Variants in CEP85L observed in about 807,000 individuals in gnomAD.
CEP85L encodes centrosomal protein 85L, also known as centrosomal protein of 85 kDa-like.
CEP85L carries 60 observed loss-of-function variants against 100.3 expected under a neutral mutation model. That is an observed-to-expected ratio of 0.60 (90% CI 0.49 to 0.74). The LOEUF is 0.74. Among genes scored for constraint, CEP85L ranks in the 30% least tolerant of loss-of-function variants. CEP85L has a pLI of 0.00. For synonymous variants in CEP85L, 319 were observed against 322.7 expected (o/e 0.99, Z 0.12); for missense variants, 973 against 936.2 (o/e 1.04, Z -0.51).
At chr6:118,705,993 C>T (rs1777582713) in intron 1 of CEP85L, among the ~76,000 whole-genome samples, 1 of 152,214 alleles carries the variant, frequency 6.6e-6, no homozygotes, top group African/African-American at 2.4e-5. Context: ...TTTTTGCCCA[C>T]AGTGAGCACT....
Position 118,651,518 on chromosome 6 carries a change from C to T in CEP85L, c.-249G>A, listed in dbSNP as rs962009392. ...CCGCGCCGGGGAAGCGGCGACTCGG[C>T]GGTGACGGCTGCTAGATCCCCGGCT... is the stretch of plus-strand genomic sequence containing the variant. On this transcript the variant is annotated 5_prime_UTR_variant, in exon 1 of 13. Transcript: ENST00000368491. The T allele has an allele frequency of 3.6e-5, 46 of 1,268,916 alleles. No homozygotes were observed. Among genetic ancestry groups the T allele is most frequent in the Middle Eastern group, 6.0e-4 (2 of 3,328 alleles). The allele number at this position is 1,268,916 out of a possible 1,614,324, so 78.6% of individuals were successfully genotyped here.
chr6:118,664,208 TTATA>T (rs1776065317), intron 1 of CEP85L, among the ~76,000 whole-genome samples: 1 of 152,136 alleles, frequency 6.6e-6, no homozygotes, highest in African/African-American at 2.4e-5. Context: ...TTCCAAACAG[TTATA>T]ATCAGCCACT....
intron 2 of CEP85L, among the ~76,000 whole-genome samples, chr6:118,596,650 T>C (rs1781471882): frequency 1.3e-5 from 2 of 151,930 alleles, no homozygotes; most frequent in Non-Finnish European, 2.9e-5. Flanking sequence ...AATATCTTAA[T>C]ACAACTGATT....
chr6:118,591,335 C>T (rs894683183), intron 2 of CEP85L, among the ~76,000 whole-genome samples: 13 of 152,110 alleles, frequency 8.5e-5, no homozygotes, highest in Non-Finnish European at 1.3e-4. Context: ...TTTGCAAAGG[C>T]CCCCTCCCAC....
chr6:118,559,300 C>T (rs1779091118), intron 3 of CEP85L: 2 of 547,334 alleles, frequency 3.7e-6, no homozygotes, highest in South Asian at 2.1e-5. Context: ...AAATTAACTT[C>T]AAAATAAGTG....
In CEP85L at chr6:118,465,167, A is replaced by ATT; in HGVS notation, c.*236_*237dup. ...CAATCAGTAGTTTGAGAATATAGAC[A>ATT]TTTTTTTCCTTGTAGATTTTATCAT... On this transcript the variant is annotated 3_prime_UTR_variant, in exon 13 of 13. Transcript: ENST00000368491. The ATT allele has an allele frequency of 2.3e-6, 1 of 442,968 alleles. No homozygotes were observed. Among genetic ancestry groups the ATT allele is most frequent in the South Asian group, 3.5e-5 (1 of 28,968 alleles). 27.4% of individuals were successfully genotyped at this position (442,968 alleles called of 1,614,324 possible). A position where few individuals can be genotyped will look rare whatever the true frequency, so the allele number is the denominator to read the frequency against.
rs556737347 is a variant in CEP85L at position 118,702,517 on chromosome 6, G to A, written c.-28+7519C>T. 9.1e-4 allele frequency among the ~76,000 whole-genome samples: 138 copies of A among 152,188 alleles called. No individual in the cohort carries two copies. The Middle Eastern group carries it at 0.024, about 26-fold the overall frequency. On this transcript the variant is annotated intron_variant, in intron 1 of 13. Transcript: ENST00000368488. The stretch of plus-strand genomic sequence containing the variant: ...ACAGAGGGAGACCCCATCTCAAAAA[G>A]AAAAACAATTAATTGCAATTTCAGT...
chr6:118,667,732 C>G (rs1414931001), intron 1 of CEP85L, among the ~76,000 whole-genome samples: 1 of 152,084 alleles, frequency 6.6e-6, no homozygotes, highest in South Asian at 2.1e-4. Flanking sequence ...AGAGATAAAT[C>G]GTAAACCTAG....
chr6:118,492,403 T>C (rs974954642), intron 5 of CEP85L, among the ~76,000 whole-genome samples: 5 of 152,160 alleles, frequency 3.3e-5, no homozygotes, highest in African/African-American at 7.2e-5. Context: ...GTCCATCTTA[T>C]ATTCCCTATT....
At chr6:118,600,358 TGTGTGTGTGTGTAA>T (rs1338290921) in intron 2 of CEP85L, among the ~76,000 whole-genome samples, 1 of 137,202 alleles carries the variant, frequency 7.3e-6, no homozygotes, top group African/African-American at 2.7e-5. Context: ...TGTGTGTGTG[TGTGTGTGTGTGTAA>T]CGCCATGGAG....
intron 1 of CEP85L, among the ~76,000 whole-genome samples, chr6:118,679,836 G>A (rs1776594733): frequency 6.6e-6 from 1 of 152,030 alleles, no homozygotes; most frequent in South Asian, 2.1e-4. Flanking sequence ...TAACTACAAT[G>A]GAACTGAGTG....
chr6:118,709,125 T>G (rs897390378), intron 1 of CEP85L, among the ~76,000 whole-genome samples: 1 of 152,068 alleles, frequency 6.6e-6, no homozygotes, highest in Admixed American at 6.6e-5. Context: ...GCACATTTTC[T>G]TCCCAACTGC....
chr6:118,613,087 C>T (rs7357024), intron 2 of CEP85L, among the ~76,000 whole-genome samples: 1 of 152,040 alleles, frequency 6.6e-6, no homozygotes, highest in African/African-American at 2.4e-5. Context: ...AGTGGTGGGC[C>T]TGTAATCCCA....
At chr6:118,692,664 C>T (rs1373706822) in intron 1 of CEP85L, among the ~76,000 whole-genome samples, 1 of 110,832 alleles carries the variant, frequency 9.0e-6, no homozygotes, top group African/African-American at 3.3e-5. Flanking sequence ...AGCAACAATG[C>T]TCAATTTCTT....
Position 118,468,970 on chromosome 6 carries a change from G to C in CEP85L, c.2254+102C>G. 4.0e-6 allele frequency: 3 copies of C among 744,974 alleles called. No individual in the cohort carries two copies. In the South Asian group the frequency reaches 5.3e-5, roughly 13 times the overall value. 46.1% of individuals were successfully genotyped at this position (744,974 alleles called of 1,614,324 possible). A position where few individuals can be genotyped will look rare whatever the true frequency, so the allele number is the denominator to read the frequency against. The stretch of plus-strand genomic sequence containing the variant: ...CACAGACTGATTCTAAGTAGGAAAA[G>C]AGATTACAAAAATAAACAGAGAAAA... On this transcript the variant is annotated intron_variant, in intron 12 of 12. Transcript: ENST00000368491.
At chr6:118,663,510 C>T (rs1348224321) in intron 1 of CEP85L, among the ~76,000 whole-genome samples, 2 of 151,922 alleles carry the variant, frequency 1.3e-5, no homozygotes, top group African/African-American at 4.8e-5. Flanking sequence ...GTTGCATATC[C>T]ACCAGGATTA....
chr6:118,517,560 A>G (rs988729022), intron 4 of CEP85L, among the ~76,000 whole-genome samples: 3 of 152,198 alleles, frequency 2.0e-5, no homozygotes, highest in Non-Finnish European at 4.4e-5. Context: ...ATTGGTGTAT[A>G]GGATTGTGAT....
chr6:118,641,427 T>C (rs1774862110), intron 1 of CEP85L, among the ~76,000 whole-genome samples: 1 of 152,202 alleles, frequency 6.6e-6, no homozygotes, highest in African/African-American at 2.4e-5. Context: ...AAATTATCTT[T>C]AGGAAAAAGT....
intron 1 of CEP85L, among the ~76,000 whole-genome samples, chr6:118,697,766 T>G (rs1026391845): frequency 2.5e-4 from 38 of 152,156 alleles, no homozygotes; most frequent in Admixed American, 6.6e-5. Context: ...ATATACTATT[T>G]CCACTCGAAT....
Sources: gnomAD v4.1 joint callset for allele counts (sites outside exome capture counted in the v4.1 genomes callset) on GRCh38, gnomAD v4.1.1 for gene constraint, MANE v1.5 for transcripts, NCBI Gene and HGNC (gene_info 2026-07-23, HGNC 2026-07-21) for gene names.